TRAPPC9: variants seen among roughly 807,000 people sequenced by gnomAD.
The protein encoded by TRAPPC9 is trafficking protein particle complex subunit 9, also known as IKK2 binding protein.
Under a neutral mutation model 124.0 loss-of-function variants are expected in TRAPPC9, and 83 were observed. The ratio of observed to expected loss-of-function variants is 0.67; its 90% CI spans 0.56 to 0.80. The LOEUF (loss-of-function observed/expected upper bound fraction) is 0.80, where lower values mean the gene tolerates loss of function less well. TRAPPC9 is among the 30% of genes least tolerant of loss of function. The probability of loss-of-function intolerance (pLI) is 0.00; values close to 1 mark genes in which losing one functional copy is unlikely to be tolerated. For missense variants in TRAPPC9, 1,302 were observed against 1,508.3 expected (o/e 0.86, Z 2.27); for synonymous variants, 638 against 617.5 (o/e 1.03, Z -0.49).
chr8:139,876,479 C>A (rs1829329478), intron 21 of TRAPPC9, among the ~76,000 whole-genome samples: 1 of 152,214 alleles, frequency 6.6e-6, no homozygotes, highest in Non-Finnish European at 1.5e-5. Context: ...GCCTCTGCTT[C>A]CGGGACATCT....
chr8:139,779,716 A>G (rs563842230), intron 21 of TRAPPC9, among the ~76,000 whole-genome samples: 45 of 152,284 alleles, frequency 3.0e-4, no homozygotes, highest in African/African-American at 1.0e-3. Context: ...TAATAAGCCA[A>G]TGAAGGAGAT....
At chr8:140,066,272 G>A (rs1842891506) in intron 17 of TRAPPC9, among the ~76,000 whole-genome samples, 1 of 152,238 alleles carries the variant, frequency 6.6e-6, no homozygotes, top group South Asian at 2.1e-4. Flanking sequence ...TGATGAACAG[G>A]AGGGAGACAT....
rs765002341 is a variant in TRAPPC9 at position 140,300,468 on chromosome 8, C to T, written c.1768+1G>A. Reference sequence around the variant, plus strand: ...TGGGAAAGCCAGGATCGACGTCCTACCTATTTTCTTGTTCCGCTCTTCTCC... The same window carrying T: ...TGGGAAAGCCAGGATCGACGTCCTATCTATTTTCTTGTTCCGCTCTTCTCC... On this transcript the variant is annotated splice_donor_variant, in intron 11 of 22. Coordinates refer to ENST00000438773, the MANE Select transcript of TRAPPC9 (RefSeq NM_001160372.4). LOFTEE classifies it high-confidence loss of function. 2.5e-6 allele frequency: 4 copies of T among 1,614,048 alleles called. No individual in the cohort carries two copies. In the African/African-American group the frequency reaches 5.3e-5, roughly 22 times the overall value.
intron 10 of TRAPPC9, among the ~76,000 whole-genome samples, chr8:140,303,730 G>A (rs909041956): frequency 2.0e-5 from 3 of 152,122 alleles, no homozygotes; most frequent in Admixed American, 6.5e-5. Context: ...TACTTGCATC[G>A]GAATTACTTG....
chr8:140,251,201 C>CA (rs1231998051), intron 16 of TRAPPC9, among the ~76,000 whole-genome samples: 1 of 152,242 alleles, frequency 6.6e-6, no homozygotes, highest in African/African-American at 2.4e-5. Context: ...CGTGCCAAGA[C>CA]ATAGCCCTGG....
At chr8:139,972,553 C>T (rs1836171847) in intron 19 of TRAPPC9, among the ~76,000 whole-genome samples, 1 of 152,146 alleles carries the variant, frequency 6.6e-6, no homozygotes, top group Non-Finnish European at 1.5e-5. Flanking sequence ...GGCACAGGGC[C>T]TCAGAAGCTC....
chr8:139,895,188 G>A (rs1169345945), intron 20 of TRAPPC9, among the ~76,000 whole-genome samples: 3 of 152,222 alleles, frequency 2.0e-5, no homozygotes, highest in Non-Finnish European at 4.4e-5. Context: ...CTGCCAGACT[G>A]GTAACAATAT....
At chr8:140,116,459 T>C (rs1242728073) in intron 17 of TRAPPC9, among the ~76,000 whole-genome samples, 1 of 152,210 alleles carries the variant, frequency 6.6e-6, no homozygotes, top group Non-Finnish European at 1.5e-5. Flanking sequence ...AACTAAGCAC[T>C]CATTTTCTTC....
intron 21 of TRAPPC9, among the ~76,000 whole-genome samples, chr8:139,803,499 C>T (rs1197274207): frequency 1.3e-5 from 2 of 152,252 alleles, no homozygotes; most frequent in Non-Finnish European, 2.9e-5. Flanking sequence ...GCCTCAGGCC[C>T]AGCACCGCTC....
chr8:140,114,476 C>G (rs78182943), intron 17 of TRAPPC9, among the ~76,000 whole-genome samples: 1 of 152,064 alleles, frequency 6.6e-6, no homozygotes, highest in Admixed American at 6.5e-5. Context: ...CTGTTCTCTT[C>G]GACAAAAATT....
chr8:140,359,236 G>A (rs914907514), intron 9 of TRAPPC9, among the ~76,000 whole-genome samples: 7 of 152,104 alleles, frequency 4.6e-5, no homozygotes, highest in Admixed American at 2.0e-4. Context: ...CCATGAGTAC[G>A]TCCCAATACA....
intron 19 of TRAPPC9, among the ~76,000 whole-genome samples, chr8:139,964,623 C>T (rs1036454113): frequency 9.9e-5 from 15 of 152,070 alleles, no homozygotes; most frequent in Non-Finnish European, 2.2e-4. Flanking sequence ...TAAGGGACTT[C>T]GGAGGTATTT....
intron 17 of TRAPPC9, among the ~76,000 whole-genome samples, chr8:140,025,057 G>A (rs1427435353): frequency 6.6e-6 from 1 of 152,190 alleles, no homozygotes; most frequent in East Asian, 1.9e-4. Context: ...AGAGGTATGG[G>A]GAGACCCCAC....
intron 7 of TRAPPC9, among the ~76,000 whole-genome samples, chr8:140,392,722 A>C (rs1028196250): frequency 1.3e-5 from 2 of 152,224 alleles, no homozygotes; most frequent in Non-Finnish European, 2.9e-5. Context: ...GGCTTTGGAC[A>C]AGTTGTACAA....
At chr8:140,130,943 T>C (rs910550889) in intron 17 of TRAPPC9, among the ~76,000 whole-genome samples, 1 of 152,198 alleles carries the variant, frequency 6.6e-6, no homozygotes, top group African/African-American at 2.4e-5. Context: ...TAATCTATTA[T>C]TCTCATCACT....
At chr8:140,176,492 G>A (rs966100848) in intron 17 of TRAPPC9, among the ~76,000 whole-genome samples, 4 of 152,192 alleles carry the variant, frequency 2.6e-5, no homozygotes, top group South Asian at 2.1e-4. Flanking sequence ...TGGGCATACC[G>A]GTAGCTCGTT....
chr8:139,781,624 G>A (rs1015948887), intron 21 of TRAPPC9, among the ~76,000 whole-genome samples: 5 of 152,172 alleles, frequency 3.3e-5, no homozygotes, highest in Admixed American at 6.5e-5. Context: ...ACTGAACTTC[G>A]GTTGATATTG....
intron 17 of TRAPPC9, among the ~76,000 whole-genome samples, chr8:140,073,270 A>G (rs1029363602): frequency 2.0e-5 from 3 of 152,248 alleles, no homozygotes; most frequent in African/African-American, 7.2e-5. Context: ...AAAAATGTTC[A>G]TAACAGCTTT....
rs142258069 is a variant in TRAPPC9, at chr8:140,331,782, T to A, written c.1496-20408A>T. Among the ~76,000 whole-genome samples, 1,499 of 152,264 alleles carry A rather than the reference T, an allele frequency of 9.8e-3. 14 individuals carry two copies. The highest frequency in any genetic ancestry group is 0.016 in the Non-Finnish European group (1,120 of 68,016). On this transcript the variant is annotated intron_variant, in intron 9 of 22. Coordinates refer to ENST00000438773, the MANE Select transcript of TRAPPC9 (RefSeq NM_001160372.4). ...AAATCAAAACCACAGTGAGAGATCA[T>A]CTCACCCCAGCAAGAATGGCTGTGA...
Sources: allele counts gnomAD v4.1 joint callset (sites outside exome capture counted in the v4.1 genomes callset), GRCh38; gene constraint gnomAD v4.1.1; transcripts MANE v1.5; gene names NCBI Gene and HGNC (gene_info 2026-07-23, HGNC 2026-07-21).